The following NRG3 variants were observed in gnomAD, a reference collection of about 807,000 sequenced individuals.
NRG3 encodes the protein neuregulin 3.
A neutral mutation model predicts 66.9 loss-of-function variants in NRG3; 31 were observed. The observed-to-expected ratio is 0.46, with a 90% CI of 0.35 to 0.63. The LOEUF is 0.63. NRG3 is among the 20% of genes least tolerant of loss of function. The pLI is 0.00. For synonymous variants in NRG3, 393 were observed against 359.4 expected (o/e 1.09, Z -1.06); for missense variants, 910 against 878.9 (o/e 1.04, Z -0.45).
intron 1 of NRG3, among the ~76,000 whole-genome samples, chr10:82,226,529 A>C (rs1233327198): frequency 1.3e-5 from 2 of 152,182 alleles, no homozygotes; most frequent in East Asian, 1.9e-4. Context: ...ATGAACCCTA[A>C]GTTTTTGTTT....
intron 3 of NRG3, among the ~76,000 whole-genome samples, chr10:82,791,938 G>A (rs1401040469): frequency 2.0e-5 from 3 of 152,066 alleles, no homozygotes; most frequent in African/African-American, 7.2e-5. Flanking sequence ...AGTGTTTAGT[G>A]GACTTCTAGT....
At chr10:82,531,535 A>G (rs1847261693) in intron 2 of NRG3, among the ~76,000 whole-genome samples, 1 of 151,816 alleles carries the variant, frequency 6.6e-6, no homozygotes, top group Non-Finnish European at 1.5e-5. Flanking sequence ...ACATAAGCCA[A>G]TTTATTAATT....
intron 3 of NRG3, among the ~76,000 whole-genome samples, chr10:82,837,111 A>G (rs1024173859): frequency 6.6e-6 from 1 of 152,172 alleles, no homozygotes; most frequent in African/African-American, 2.4e-5. Context: ...CATGGTGTAC[A>G]TGTGCCACAT....
In NRG3 at chr10:82,930,846, TG is replaced by T. The variant is rs1847502430; in HGVS notation, c.1055-20618del. Among the ~76,000 whole-genome samples, 3 of 152,090 alleles carry T rather than the reference TG, an allele frequency of 2.0e-5. No homozygotes were observed. The South Asian group carries it at 6.2e-4, about 32-fold the overall frequency. ...CATCTATGGGACTCGTGGTGGGTGGTGGGGGATGACAGAAAACTTCCTCTTC... is the reference window on the plus strand; with the variant it reads ...CATCTATGGGACTCGTGGTGGGTGGTGGGGATGACAGAAAACTTCCTCTTC... On this transcript the variant is annotated intron_variant, in intron 4 of 8. Coordinates refer to ENST00000372141, the MANE Select transcript of NRG3 (RefSeq NM_001010848.4).
chr10:82,506,758 C>T (rs1447430499), intron 2 of NRG3, among the ~76,000 whole-genome samples: 1 of 152,110 alleles, frequency 6.6e-6, no homozygotes, highest in African/African-American at 2.4e-5. Flanking sequence ...ACACTATAAA[C>T]CAGGAAATGT....
chr10:82,951,475 A>G lies in NRG3; in HGVS notation c.1061A>G (p.Glu354Gly). ...TTGTTTTTCAAATTCACAGAGAGTG[A>G]AGAAGTTTATCAAAGGCAGGTGCTG... ...DHLGIEFMES[E>G]EVYQRQVLSI... is the part of the protein sequence containing the mutation. Residue 354 changes from glutamate (E) to glycine (G), a missense_variant, in exon 5 of 9, where the codon GAA becomes GGA. Transcript: ENST00000372141. 6.2e-7 allele frequency: 1 copy of G among 1,613,372 alleles called. No individual in the cohort carries two copies. Among genetic ancestry groups the G allele is most frequent in the Non-Finnish European group, 8.5e-7 (1 of 1,179,336 alleles).
At chr10:81,971,703 C>T (rs1186640683) in intron 1 of NRG3, among the ~76,000 whole-genome samples, 3 of 152,142 alleles carry the variant, frequency 2.0e-5, no homozygotes, top group Non-Finnish European at 4.4e-5. Context: ...ACGTGTAGCA[C>T]AGGGAGGAGA....
rs57590607 is a variant in NRG3, at chr10:82,482,102, C to A, written c.953+123234C>A. On this transcript the variant is annotated intron_variant, in intron 2 of 8. Coordinates refer to ENST00000372141, the MANE Select transcript of NRG3 (RefSeq NM_001010848.4). ...CTCCATTTTTAAAACCAAACATATA[C>A]AAATAGGAAATATTAGGGATTATAC... Among the ~76,000 whole-genome samples the A allele has an allele frequency of 4.3e-3, 651 of 151,610 alleles. 5 individuals carry two copies. The highest frequency in any genetic ancestry group is 0.015 in the African/African-American group (628 of 41,262).
At position 82,084,049 on chromosome 10, in the gene NRG3, G is replaced by A. The variant is rs548715379; in HGVS notation, c.823+207886G>A. Among the ~76,000 whole-genome samples, 19 of 151,834 alleles carry A rather than the reference G, an allele frequency of 1.3e-4. No homozygotes were observed. The South Asian group carries it at 3.3e-3, about 27-fold the overall frequency. On this transcript the variant is annotated intron_variant, in intron 1 of 8. Coordinates refer to ENST00000372141, the MANE Select transcript of NRG3 (RefSeq NM_001010848.4). ...TCGAGACCAGCCTGGCCAACATGGCGAAATCCCATCTCTACTAAAAATACA... is the reference window on the plus strand; with the variant it reads ...TCGAGACCAGCCTGGCCAACATGGCAAAATCCCATCTCTACTAAAAATACA...
chr10:82,178,808 T>C (rs1229131236), intron 1 of NRG3, among the ~76,000 whole-genome samples: 1 of 152,232 alleles, frequency 6.6e-6, no homozygotes, highest in Non-Finnish European at 1.5e-5. Context: ...GTGTTTTCCA[T>C]AGCATCTGCA....
At chr10:82,621,146 G>T (rs190825466) in intron 2 of NRG3, among the ~76,000 whole-genome samples, 14 of 152,262 alleles carry the variant, frequency 9.2e-5, no homozygotes, top group Non-Finnish European at 1.6e-4. Context: ...AATTAAAAGA[G>T]TTGGAGTCTT....
chr10:82,773,182 A>C (rs144288352), intron 3 of NRG3, among the ~76,000 whole-genome samples: 1 of 152,244 alleles, frequency 6.6e-6, no homozygotes, highest in Non-Finnish European at 1.5e-5. Flanking sequence ...GATAATGGCT[A>C]TACTAATCTA....
chr10:82,384,618 T>C (rs985708216), intron 2 of NRG3, among the ~76,000 whole-genome samples: 11 of 152,226 alleles, frequency 7.2e-5, no homozygotes, highest in African/African-American at 2.7e-4. Context: ...CTCATTCCTT[T>C]TTATGGCTGT....
intron 1 of NRG3, among the ~76,000 whole-genome samples, chr10:82,170,710 A>G: frequency 7.1e-6 from 1 of 141,716 alleles, no homozygotes; most frequent in South Asian, 2.2e-4. Flanking sequence ...AAATATATAT[A>G]GGTATATAAT....
chr10:81,929,038 G>A (rs569341887), intron 1 of NRG3, among the ~76,000 whole-genome samples: 2 of 152,184 alleles, frequency 1.3e-5, no homozygotes, highest in Non-Finnish European at 2.9e-5. Context: ...ATGTTGCCCA[G>A]TCTGTCTTGA....
intron 1 of NRG3, among the ~76,000 whole-genome samples, chr10:82,287,006 GTTAA>G (rs1303453740): frequency 6.6e-6 from 1 of 152,194 alleles, no homozygotes; most frequent in Non-Finnish European, 1.5e-5. Context: ...AGTGAGAAGA[GTTAA>G]TTAAAGTACT....
At chr10:82,418,432 A>G (rs1473177622) in intron 2 of NRG3, among the ~76,000 whole-genome samples, 3 of 152,202 alleles carry the variant, frequency 2.0e-5, no homozygotes, top group Non-Finnish European at 4.4e-5. Flanking sequence ...GCAAATGTTT[A>G]TGCAAATTAA....
At chr10:82,331,594 C>T (rs1014033151) in intron 1 of NRG3, among the ~76,000 whole-genome samples, 1 of 151,826 alleles carries the variant, frequency 6.6e-6, no homozygotes, top group Non-Finnish European at 1.5e-5. Flanking sequence ...TTGGAGACAT[C>T]AGAAGGAAAA....
intron 1 of NRG3, among the ~76,000 whole-genome samples, chr10:82,037,835 C>T (rs1260554828): frequency 6.6e-6 from 1 of 151,958 alleles, no homozygotes; most frequent in Non-Finnish European, 1.5e-5. Flanking sequence ...ATTTGGCAAA[C>T]TGGGGACATA....
Sources: gnomAD v4.1 joint callset for allele counts (sites outside exome capture counted in the v4.1 genomes callset) on GRCh38, gnomAD v4.1.1 for gene constraint, MANE v1.5 for transcripts, NCBI Gene and HGNC (gene_info 2026-07-23, HGNC 2026-07-21) for gene names.